The following EXOC3L1 variants were observed in gnomAD, a reference collection of about 807,000 sequenced individuals.
EXOC3L1 encodes exocyst complex component 3 like 1.
In EXOC3L1, 79 loss-of-function variants were observed where a neutral mutation model predicts 83.6. That is an observed-to-expected ratio of 0.95 (90% CI 0.79 to 1.14). EXOC3L1 has a LOEUF of 1.14. Among genes scored for constraint, EXOC3L1 ranks in the 50% most tolerant of loss-of-function variants. The probability of loss-of-function intolerance (pLI) is 0.00; values close to 1 mark genes in which losing one functional copy is unlikely to be tolerated. For missense variants in EXOC3L1, 945 were observed against 972.0 expected (o/e 0.97, Z 0.37); for synonymous variants, 433 against 451.2 (o/e 0.96, Z 0.51).
chr16:67,184,749 A>G lies in EXOC3L1; in HGVS notation c.1967T>C (p.Leu656Pro). The change falls in exon 13 of 14, where the codon CTC becomes CCC. Residue 656 changes from leucine (L) to proline (P), a missense_variant. Leu to Pro is a moderately conservative substitution (Grantham distance 98). Coordinates refer to ENST00000314586, the MANE Select transcript of EXOC3L1 (RefSeq NM_178516.4). ...CAGGCCCAGCAGCGCGGGGTCGCGG[A>G]GGTTTAGCAGCTCCCTCAGGGCGAG... ...VLLALRELLN[L>P]RDPALLGLEV... 1 of 1,588,856 alleles carries G rather than the reference A, an allele frequency of 6.3e-7. No individual in the cohort carries two copies.
intron 3 of EXOC3L1, 22 bp downstream of exon 3, chr16:67,188,998 G>A (rs375641442): frequency 1.4e-5 from 22 of 1,603,290 alleles, no homozygotes; most frequent in East Asian, 4.5e-5. Flanking sequence ...CCCAGCACCC[G>A]CACCCCCTGC....
In EXOC3L1 at chr16:67,186,816, C is replaced by T; in HGVS notation, c.1227G>A (p.Gly409=). 1.2e-6 allele frequency: 2 copies of T among 1,613,674 alleles called. No individual in the cohort carries two copies. Among genetic ancestry groups the T allele is most frequent in the Non-Finnish European group, 1.7e-6 (2 of 1,180,006 alleles). The change falls in exon 7 of 14, where the codon GGG becomes GGA. Residue 409 remains glycine (G), a synonymous_variant. Transcript: ENST00000314586. The part of the protein sequence containing the change: ...GEVAEWGREH[G]PNTDPSGSYY... ...AGGAGCCAGACGGGTCTGTGTTGGG[C>T]CCATGCTCCCGGCCCCACTCAGCTA...
At position 67,189,066 on chromosome 16, in the gene EXOC3L1, C is replaced by T. The variant is rs1385078509; in HGVS notation, c.161G>A (p.Arg54His). 13 of 1,606,840 alleles carry T rather than the reference C, an allele frequency of 8.1e-6. No homozygotes were observed. The highest frequency in any genetic ancestry group is 1.7e-5 in the Admixed American group (1 of 59,588). Residue 54 changes from arginine to histidine, a missense_variant, in exon 3 of 14, where the codon CGC becomes CAC. Coordinates refer to ENST00000314586, the MANE Select transcript of EXOC3L1 (RefSeq NM_178516.4). ...GCAGGTACGCTGCACCTCGCGGCTG[C>T]GGTACTGGCCTAGCCTGGCCAGCTG... ...PEQLARLGQY[R>H]SREVQRTCSL...
Position 67,184,604 on chromosome 16 carries a change from G to T in EXOC3L1, c.2031C>A (p.Ser677Arg). Residue 677 changes from serine (S) to arginine (R), a missense_variant and splice_region_variant, in exon 14 of 14, where the codon AGC (serine) becomes AGA (arginine). Ser to Arg is a moderately radical substitution (Grantham distance 110). Coordinates refer to ENST00000314586, the MANE Select transcript of EXOC3L1 (RefSeq NM_178516.4). ...CCAAGAGGGCGGAGACGTGGTCCTC[G>T]CTGCAGGGGCACCAAGGAGGCGCGT... ...AGLRQQFPDV[S>R]EDHVSALLGL... 6.3e-7 allele frequency: 1 copy of T among 1,583,548 alleles called. No individual in the cohort carries two copies.
In EXOC3L1 at chr16:67,187,462, G is replaced by A. The variant is rs2032761364; in HGVS notation, c.803C>T (p.Ala268Val). The A allele has an allele frequency of 1.2e-6, 2 of 1,607,890 alleles. No homozygotes were observed. Among genetic ancestry groups the A allele is most frequent in the Non-Finnish European group, 1.7e-6 (2 of 1,179,726 alleles). Residue 268 changes from alanine to valine, a missense_variant, in exon 5 of 14, where the codon GCA (alanine) becomes GTA (valine). By Grantham distance (64) the Ala-to-Val change is moderately conservative. Coordinates refer to ENST00000314586, the MANE Select transcript of EXOC3L1 (RefSeq NM_178516.4). The stretch of plus-strand genomic sequence containing the variant: ...CAGCCACCCTGGTAGGGCCCCTGGT[G>A]CAGGCAGCAGAGGTGACCCAAAGTG... ...QAHFGSPLLP[A>V]PGALPGWLEA...
rs34746889 is a variant in EXOC3L1, at chr16:67,187,541, G to A, written c.724C>T (p.Arg242Trp). ...CTCAGACAGCGCTGACGCCAGTCCC[G>A]GGGGACCTGGCCCAGGGGGGTTGTT... Reference protein sequence around the residue: ...GRTTPLGQVPRDWRQRCLRAL... With the variant: ...GRTTPLGQVPWDWRQRCLRAL... The change falls in exon 5 of 14, where the codon CGG (arginine) becomes TGG (tryptophan). Residue 242 changes from arginine (R) to tryptophan (W), a missense_variant. By Grantham distance (101) the Arg-to-Trp change is moderately radical. Coordinates refer to ENST00000314586, the MANE Select transcript of EXOC3L1 (RefSeq NM_178516.4). 49 of 1,601,698 alleles carry A rather than the reference G, an allele frequency of 3.1e-5. No homozygotes were observed. Among genetic ancestry groups the A allele is most frequent in the East Asian group, 8.9e-5 (4 of 44,816 alleles).
rs1339266037 is a variant in EXOC3L1, at chr16:67,187,505, C to T, written c.760G>A (p.Glu254Lys). 6.2e-7 allele frequency: 1 copy of T among 1,603,556 alleles called. No homozygotes were observed. The highest frequency in any genetic ancestry group is 2.2e-5 in the East Asian group (1 of 44,854). The stretch of plus-strand genomic sequence containing the variant: ...CCAAAGTGGGCCTGCTCCAGGCCCT[C>T]CTGTAGTGCCCTCAGACAGCGCTGA... ...WRQRCLRALQ[E>K]GLEQAHFGSP... Residue 254 changes from glutamate (E) to lysine (K), a missense_variant, in exon 5 of 14, where the codon GAG (glutamate) becomes AAG (lysine). Transcript: ENST00000314586.
chr16:67,185,610 C>G, intron 9 of EXOC3L1, 120 bp from the exon 10 acceptor site: 1 of 906,980 alleles, frequency 1.1e-6, no homozygotes, highest in Non-Finnish European at 1.7e-6. Flanking sequence ...GCGAGAACAG[C>G]GGCTCTCTGC....
chr16:67,186,084 G>A (rs1442242211), intron 9 of EXOC3L1, among the ~76,000 whole-genome samples, 153 bp downstream of exon 9: 2 of 152,186 alleles, frequency 1.3e-5, no homozygotes, highest in East Asian at 3.8e-4. Context: ...CTCATCCAAG[G>A]TCACACAACT....
At position 67,186,769 on chromosome 16, in the gene EXOC3L1, A is replaced by G. The variant is rs1362179796; in HGVS notation, c.1274T>C (p.Ile425Thr). ...SGSYYSPMPAIVLQILEENIR... is the reference protein window; with the variant it reads ...SGSYYSPMPATVLQILEENIR... ...CCACTTCCCACCTACCTGCAGCACA[A>G]TGGCTGGCATTGGTGAGTAATAGGA... Residue 425 changes from isoleucine (I) to threonine (T), a missense_variant, in exon 7 of 14, where the codon ATT becomes ACT. Ile to Thr is a moderately conservative substitution (Grantham distance 89, BLOSUM62 -1). Transcript: ENST00000314586. 6.2e-7 allele frequency: 1 copy of G among 1,613,778 alleles called. No homozygotes were observed. Among genetic ancestry groups the G allele is most frequent in the Non-Finnish European group, 8.5e-7 (1 of 1,180,004 alleles).
rs372150207 is a variant in EXOC3L1 at position 67,186,281 on chromosome 16, G to A, written c.1452C>T (p.Tyr484=). Residue 484 remains tyrosine, a synonymous_variant, in exon 9 of 14, where the codon TAC becomes TAT. Coordinates refer to ENST00000314586, the MANE Select transcript of EXOC3L1 (RefSeq NM_178516.4). ...TGAGGGCGGCCAGTAGGTAGGGCAC[G>A]TAATGAGGGGCCATTGATTTCCCCC... is the stretch of plus-strand genomic sequence containing the variant. ...HFRGKSMAPH[Y]VPYLLAALNH... The A allele has an allele frequency of 1.0e-5, 16 of 1,578,772 alleles. No individual in the cohort carries two copies. The highest frequency in any genetic ancestry group is 1.3e-5 in the African/African-American group (1 of 74,094).
At position 67,186,098 on chromosome 16, in the gene EXOC3L1, A is replaced by G. The variant is rs2032710639; in HGVS notation, c.1496+139T>C. On this transcript the variant is annotated intron_variant, in intron 9 of 13. Transcript: ENST00000314586. ...ACTCATCCAAGGTCACACAACTAGT[A>G]ATTAGCAGAACTAGAATTGGAACCC... is the stretch of plus-strand genomic sequence containing the variant. 1.1e-5 allele frequency: 7 copies of G among 644,734 alleles called. No homozygotes were observed. In the Admixed American group the frequency reaches 1.3e-4, roughly 12 times the overall value. 39.9% of individuals were successfully genotyped at this position (644,734 alleles called of 1,614,324 possible).
In EXOC3L1 at chr16:67,187,264, G is replaced by C. The variant is rs765243257; in HGVS notation, c.1001C>G (p.Ala334Gly). The C allele has an allele frequency of 6.8e-6, 11 of 1,612,458 alleles. No homozygotes were observed. The South Asian group carries it at 1.1e-4, about 16-fold the overall frequency. The change falls in exon 5 of 14, where the codon GCC (alanine) becomes GGC (glycine). Residue 334 changes from alanine to glycine, a missense_variant. Physicochemically the swap from Ala to Gly is moderately conservative, Grantham distance 60 (BLOSUM62 0). Coordinates refer to ENST00000314586, the MANE Select transcript of EXOC3L1 (RefSeq NM_178516.4). ...LAGPELEAADAFALLHWALHV... is the reference protein window; with the variant it reads ...LAGPELEAADGFALLHWALHV... ...CAGTGCCCAGTGCAGCAAGGCGAAG[G>C]CATCCGCAGCTTCTAGCTCAGGCCC... is the stretch of plus-strand genomic sequence containing the variant.
At chr16:67,185,599 A>G (rs1597268563) in intron 9 of EXOC3L1, 109 bp from the exon 10 acceptor site, 1 of 999,342 alleles carries the variant, frequency 1.0e-6, no homozygotes, top group Non-Finnish European at 1.5e-6. Context: ...GACGGGAGGG[A>G]GCGAGAACAG....
chr16:67,187,068 A>T lies in EXOC3L1; in HGVS notation c.1111T>A (p.Leu371Met). ...DVSQLEPLLT[L>M]ENIEQLEATF... ...GCCTCCAGCTGCTCAATGTTCTCCA[A>T]GGTCAGAAGGGGCTCCAGCTGGGAC... Residue 371 changes from leucine (L) to methionine (M), a missense_variant, in exon 6 of 14, where the codon TTG (leucine) becomes ATG (methionine). By Grantham distance (15) the Leu-to-Met change is conservative. Coordinates refer to ENST00000314586, the MANE Select transcript of EXOC3L1 (RefSeq NM_178516.4). 6.2e-7 allele frequency: 1 copy of T among 1,613,708 alleles called. No homozygotes were observed. The highest frequency in any genetic ancestry group is 8.5e-7 in the Non-Finnish European group (1 of 1,180,000).
At chr16:67,186,090 C>G in intron 9 of EXOC3L1, 147 bp downstream of exon 9, 1 of 636,690 alleles carries the variant, frequency 1.6e-6, no homozygotes, top group Non-Finnish European at 2.9e-6. Flanking sequence ...CAAGGTCACA[C>G]AACTAGTAAT....
intron 9 of EXOC3L1, 182 bp from the exon 10 acceptor site, chr16:67,185,672 T>G: frequency 4.9e-6 from 3 of 613,704 alleles, no homozygotes; most frequent in Non-Finnish European, 8.6e-6. Flanking sequence ...CTTGGCGAGC[T>G]GCAAAGGACA....
intron 10 of EXOC3L1, 30 bp from the exon 11 acceptor site, chr16:67,185,288 C>T: frequency 1.2e-6 from 2 of 1,613,302 alleles, no homozygotes; most frequent in South Asian, 1.1e-5. Flanking sequence ...CTGGCATTGC[C>T]GCGGAGACCC....
At chr16:67,186,154 TC>T in intron 9 of EXOC3L1, 82 bp downstream of exon 9, 1 of 956,574 alleles carries the variant, frequency 1.0e-6, no homozygotes, top group Non-Finnish European at 1.7e-6. Context: ...GTCCCTAGTG[TC>T]CTAGTGTGGG....
Sources: allele counts gnomAD v4.1 joint callset (sites outside exome capture counted in the v4.1 genomes callset), GRCh38; gene constraint gnomAD v4.1.1; transcripts MANE v1.5; gene names NCBI Gene and HGNC (gene_info 2026-07-23, HGNC 2026-07-21).